Variants in ATRNL1 observed in about 807,000 individuals in gnomAD.
ATRNL1 encodes attractin like 1.
A neutral mutation model predicts 182.7 loss-of-function variants in ATRNL1; 95 were observed. That is an observed-to-expected ratio of 0.52 (90% CI 0.44 to 0.62). The LOEUF is 0.62. Ranked by LOEUF, ATRNL1 falls within the 20% of genes least tolerant of loss-of-function variation. The pLI, the probability that ATRNL1 is intolerant of heterozygous loss-of-function variation, is 0.00. For missense variants in ATRNL1, 1,471 were observed against 1,679.5 expected (o/e 0.88, Z 2.17); for synonymous variants, 576 against 568.3 (o/e 1.01, Z -0.19).
At chr10:115,530,926 A>G (rs1405779827) in intron 25 of ATRNL1, among the ~76,000 whole-genome samples, 8 of 151,566 alleles carry the variant, frequency 5.3e-5, no homozygotes, top group African/African-American at 1.2e-4. Flanking sequence ...ATGATTTCCA[A>G]TTTCATCCAT....
At chr10:115,588,546 C>A (rs1451907626) in intron 26 of ATRNL1, among the ~76,000 whole-genome samples, 1 of 152,192 alleles carries the variant, frequency 6.6e-6, no homozygotes, top group Non-Finnish European at 1.5e-5. Context: ...AAGAACCAAA[C>A]CCTTTGGGAG....
intron 9 of ATRNL1, among the ~76,000 whole-genome samples, chr10:115,221,793 C>A (rs904370546): frequency 1.3e-5 from 2 of 152,044 alleles, no homozygotes; most frequent in Admixed American, 1.3e-4. Context: ...TGATAATTAG[C>A]CCACCTTTGA....
chr10:115,643,499 GAATA>G (rs1291942137), intron 26 of ATRNL1, among the ~76,000 whole-genome samples: 1 of 151,958 alleles, frequency 6.6e-6, no homozygotes, highest in Non-Finnish European at 1.5e-5. Context: ...AAGTAATAAT[GAATA>G]AATAAGCCAC....
chr10:115,655,224 G>A (rs1223632533), intron 26 of ATRNL1, among the ~76,000 whole-genome samples: 6 of 152,214 alleles, frequency 3.9e-5, no homozygotes, highest in Admixed American at 3.3e-4. Context: ...TTAACTATGG[G>A]TATCGTTGGT....
intron 5 of ATRNL1, among the ~76,000 whole-genome samples, chr10:115,131,918 TTTTTTA>T (rs1215616252): frequency 6.6e-5 from 10 of 152,142 alleles, no homozygotes; most frequent in Non-Finnish European, 1.3e-4. Context: ...ATTAAGTCCT[TTTTTTA>T]TTTTTATTTT....
chr10:115,615,077 C>T (rs1857363768), intron 26 of ATRNL1, among the ~76,000 whole-genome samples: 1 of 151,802 alleles, frequency 6.6e-6, no homozygotes, highest in African/African-American at 2.4e-5. Flanking sequence ...TAATCATTTT[C>T]TGATTATTGT....
intron 27 of ATRNL1, among the ~76,000 whole-genome samples, chr10:115,767,095 TCA>T (rs1330778444): frequency 6.6e-6 from 1 of 152,200 alleles, no homozygotes; most frequent in East Asian, 1.9e-4. Context: ...ATCTCATGAC[TCA>T]CAGTGTCCCG....
At chr10:115,589,110 G>A (rs2804196) in intron 26 of ATRNL1, among the ~76,000 whole-genome samples, 148,035 of 152,248 alleles carry the variant, frequency 0.97, 72,134 homozygotes, top group East Asian at 1. Flanking sequence ...TACCTCAATG[G>A]TTTGTGATGG....
intron 9 of ATRNL1, among the ~76,000 whole-genome samples, chr10:115,224,401 C>T (rs1294740614): frequency 6.6e-6 from 1 of 151,278 alleles, no homozygotes; most frequent in African/African-American, 2.4e-5. Context: ...TCTAAGAATC[C>T]CCTTGAGAAG....
intron 5 of ATRNL1, among the ~76,000 whole-genome samples, chr10:115,132,963 T>C (rs1213786183): frequency 6.6e-6 from 1 of 152,250 alleles, no homozygotes; most frequent in Non-Finnish European, 1.5e-5. Flanking sequence ...ATTTTGGCTT[T>C]TGTTGCCATT....
intron 28 of ATRNL1, among the ~76,000 whole-genome samples, chr10:115,901,464 C>T (rs544175388): frequency 2.6e-5 from 4 of 152,148 alleles, no homozygotes; most frequent in Admixed American, 1.3e-4. Context: ...AACTTGGAGG[C>T]GTTGACAAAC....
At position 115,638,834 on chromosome 10, in the gene ATRNL1, G is replaced by A. The variant is rs11819600; in HGVS notation, c.3796-88414G>A. ...CAGAGAATTGAATCACTGAAATTGC[G>A]GATAAAACAATAGTATTCACTCTGC... is the stretch of plus-strand genomic sequence containing the variant. On this transcript the variant is annotated intron_variant, in intron 26 of 28. Coordinates refer to ENST00000355044, the MANE Select transcript of ATRNL1 (RefSeq NM_207303.4). 4.5e-3 allele frequency among the ~76,000 whole-genome samples: 679 copies of A among 152,124 alleles called. 5 individuals carry two copies. Among genetic ancestry groups the A allele is most frequent in the African/African-American group, 0.015 (640 of 41,494 alleles).
chr10:115,716,844 C>G (rs1375931510), intron 26 of ATRNL1, among the ~76,000 whole-genome samples: 4 of 152,180 alleles, frequency 2.6e-5, no homozygotes, highest in Non-Finnish European at 4.4e-5. Flanking sequence ...GAGAGCAGGA[C>G]AGGTATTTCT....
chr10:115,426,370 A>C (rs1037150394), intron 21 of ATRNL1, 68 bp downstream of exon 21: 46 of 1,138,972 alleles, frequency 4.0e-5, no homozygotes, highest in Non-Finnish European at 5.7e-5. Context: ...AATAAAGGTC[A>C]TCTTGAATAA....
chr10:115,619,991 TTTAA>T (rs1457308960), intron 26 of ATRNL1, among the ~76,000 whole-genome samples: 1 of 152,200 alleles, frequency 6.6e-6, no homozygotes, highest in East Asian at 1.9e-4. Flanking sequence ...GCCAGCAATA[TTTAA>T]TTAGTCGTTT....
At chr10:115,686,217 T>C (rs1946214856) in intron 26 of ATRNL1, among the ~76,000 whole-genome samples, 1 of 151,994 alleles carries the variant, frequency 6.6e-6, no homozygotes, top group Non-Finnish European at 1.5e-5. Context: ...AATGCCACAC[T>C]GTAAGCAAAA....
At chr10:115,269,033 C>A (rs1554911893) in intron 13 of ATRNL1, among the ~76,000 whole-genome samples, 1 of 152,164 alleles carries the variant, frequency 6.6e-6, no homozygotes, top group East Asian at 1.9e-4. Context: ...AGCTGCTAAA[C>A]ATTCTACAGT....
intron 28 of ATRNL1, among the ~76,000 whole-genome samples, chr10:115,853,874 T>C (rs2134371887): frequency 6.6e-6 from 1 of 152,306 alleles, no homozygotes; most frequent in East Asian, 1.9e-4. Context: ...TTAATAAATA[T>C]GACTCCGTGT....
At chr10:115,422,330 T>C (rs1845686451) in intron 20 of ATRNL1, among the ~76,000 whole-genome samples, 1 of 152,018 alleles carries the variant, frequency 6.6e-6, no homozygotes, top group Admixed American at 6.6e-5. Context: ...TATATGGAAC[T>C]TAAATCAACA....
Sources: allele counts gnomAD v4.1 joint callset (sites outside exome capture counted in the v4.1 genomes callset), GRCh38; gene constraint gnomAD v4.1.1; transcripts MANE v1.5; gene names NCBI Gene and HGNC (gene_info 2026-07-23, HGNC 2026-07-21).